Variants in RGS5 observed in about 807,000 individuals in gnomAD.
The protein encoded by RGS5 is regulator of G protein signaling 5.
Under a neutral mutation model 18.9 loss-of-function variants are expected in RGS5, and 20 were observed. The ratio of observed to expected loss-of-function variants is 1.06; its 90% CI spans 0.74 to 1.54. The LOEUF is 1.54. RGS5 is among the 40% of genes most tolerant of loss of function. The probability of loss-of-function intolerance (pLI) is 0.00; values close to 1 mark genes in which losing one functional copy is unlikely to be tolerated. For synonymous variants in RGS5, 57 were observed against 76.2 expected (o/e 0.75, Z 1.31); for missense variants, 201 against 211.8 (o/e 0.95, Z 0.32).
intron 2 of RGS5, among the ~76,000 whole-genome samples, chr1:163,298,770 A>T (rs1465794251): frequency 2.6e-5 from 4 of 152,110 alleles, no homozygotes; most frequent in African/African-American, 9.7e-5. Flanking sequence ...CAGCCACTTA[A>T]GGGAGTTCAG....
chr1:163,244,731 G>A (rs1027211255), intron 2 of RGS5: 1 of 152,140 alleles, frequency 6.6e-6, no homozygotes, highest in Admixed American at 6.5e-5. Flanking sequence ...CATGAAAGAA[G>A]GAAGACTTGT....
At chr1:163,268,340 C>T (rs1213986550) in intron 2 of RGS5, among the ~76,000 whole-genome samples, 1 of 152,036 alleles carries the variant, frequency 6.6e-6, no homozygotes, top group Admixed American at 6.6e-5. Flanking sequence ...TTAGAGGTGA[C>T]TTCATTCAAT....
rs1014133555 is a variant in RGS5 at position 163,146,555 on chromosome 1, A to G, written c.*787T>C. The G allele has an allele frequency of 3.3e-5, 5 of 152,200 alleles. No individual in the cohort carries two copies. The highest frequency in any genetic ancestry group is 1.2e-4 in the African/African-American group (5 of 41,462). 9.4% of individuals were successfully genotyped at this position (152,200 alleles called of 1,614,324 possible). The stretch of plus-strand genomic sequence containing the variant: ...AATTCTAAATAATTTGAAAATGGAA[A>G]CATTTGACCCACAGTCTAGCAGCAT... On this transcript the variant is annotated 3_prime_UTR_variant, in exon 5 of 5. Coordinates refer to ENST00000313961, the MANE Select transcript of RGS5 (RefSeq NM_003617.4).
At chr1:163,149,518 T>C (rs1657292035) in intron 4 of RGS5, among the ~76,000 whole-genome samples, 1 of 152,222 alleles carries the variant, frequency 6.6e-6, no homozygotes, top group Non-Finnish European at 1.5e-5. Flanking sequence ...TCTCTTGGTA[T>C]TTTTATGTGC....
intron 2 of RGS5, among the ~76,000 whole-genome samples, chr1:163,280,478 T>C (rs1648964584): frequency 6.6e-6 from 1 of 151,986 alleles, no homozygotes; most frequent in African/African-American, 2.4e-5. Context: ...TTAAAAACTC[T>C]CAAAAATTAG....
chr1:163,238,106 ATTATC>A (rs984169982), intron 2 of RGS5: 3 of 155,454 alleles, frequency 1.9e-5, no homozygotes, highest in Non-Finnish European at 4.3e-5. Flanking sequence ...ATAAAAGAGG[ATTATC>A]TTATAATTTT....
upstream of RGS5, among the ~76,000 whole-genome samples, chr1:163,207,391 C>G (rs1659977472): frequency 2.6e-5 from 4 of 152,206 alleles, no homozygotes; most frequent in South Asian, 8.3e-4. Flanking sequence ...TAAAGTGGGA[C>G]AGCTGAGAGG....
At chr1:163,173,845 G>A (rs932665716) in intron 1 of RGS5, among the ~76,000 whole-genome samples, 1 of 152,160 alleles carries the variant, frequency 6.6e-6, no homozygotes, top group African/African-American at 2.4e-5. Context: ...GGAGGCCGAG[G>A]TGGGTGGATC....
intron 2 of RGS5, among the ~76,000 whole-genome samples, chr1:163,285,215 G>C (rs1389212813): frequency 6.6e-6 from 1 of 152,110 alleles, no homozygotes; most frequent in Admixed American, 6.6e-5. Context: ...AAATTATTCT[G>C]TATTAACTTT....
chr1:163,163,046 G>A (rs968438686), intron 2 of RGS5, among the ~76,000 whole-genome samples: 1 of 151,020 alleles, frequency 6.6e-6, no homozygotes, highest in African/African-American at 2.4e-5. Flanking sequence ...TTTCGGGGGG[G>A]GGGGTGGTTA....
At chr1:163,311,800 T>C (rs1649871093) in intron 1 of RGS5, among the ~76,000 whole-genome samples, 1 of 152,176 alleles carries the variant, frequency 6.6e-6, no homozygotes, top group Admixed American at 6.5e-5. Flanking sequence ...TTTAAAATAT[T>C]GAGAGAATTA....
chr1:163,147,543 T>G (rs1450575661), intron 4 of RGS5, 40 bp from the exon 5 acceptor site: 2 of 1,474,262 alleles, frequency 1.4e-6, no homozygotes, highest in Non-Finnish European at 1.8e-6. Context: ...AAGCCTAAGT[T>G]ATAGAATTTG....
At chr1:163,241,160 A>G (rs771621556) in intron 2 of RGS5, among the ~76,000 whole-genome samples, 1 of 152,214 alleles carries the variant, frequency 6.6e-6, no homozygotes, top group Admixed American at 6.5e-5. Context: ...CTTTTCTTCT[A>G]TAATAACTGA....
intron 2 of RGS5, among the ~76,000 whole-genome samples, chr1:163,266,390 A>C (rs988998474): frequency 2.0e-5 from 3 of 151,952 alleles, no homozygotes; most frequent in African/African-American, 7.3e-5. Flanking sequence ...TGTCTGTATT[A>C]CTCTGGATTT....
Position 163,145,199 on chromosome 1 carries a change from A to T in RGS5, c.*2143T>A, listed in dbSNP as rs1010436934. On this transcript the variant is annotated 3_prime_UTR_variant, in exon 5 of 5. Transcript: ENST00000313961. ...AGTCCACTGGAGTCTTCATAACATC[A>T]ACCCTCTAGGTGAGATCTGTAATAG... The T allele has an allele frequency of 2.0e-5, 3 of 152,182 alleles. No homozygotes were observed. Among genetic ancestry groups the T allele is most frequent in the African/African-American group, 7.2e-5 (3 of 41,446 alleles). The allele number at this position is 152,182 out of a possible 1,614,324, so 9.4% of individuals were successfully genotyped here.
chr1:163,283,253 T>A (rs1187441701), intron 2 of RGS5, among the ~76,000 whole-genome samples: 1 of 152,124 alleles, frequency 6.6e-6, no homozygotes, highest in African/African-American at 2.4e-5. Context: ...TATACTTTAG[T>A]GTATGTGTTC....
chr1:163,205,082 T>A (rs1023933446), upstream of RGS5, among the ~76,000 whole-genome samples: 3 of 152,014 alleles, frequency 2.0e-5, no homozygotes, highest in Non-Finnish European at 4.4e-5. Context: ...TAAAACTTTG[T>A]AAGGATGGGA....
intron 2 of RGS5, among the ~76,000 whole-genome samples, chr1:163,253,467 C>A (rs1021401165): frequency 7.0e-6 from 1 of 143,256 alleles, no homozygotes; most frequent in Non-Finnish European, 1.6e-5. Flanking sequence ...CGCCACCATG[C>A]CCAACTTTTT....
intron 2 of RGS5, among the ~76,000 whole-genome samples, chr1:163,272,059 T>G (rs1191625160): frequency 6.6e-6 from 1 of 152,054 alleles, no homozygotes; most frequent in Non-Finnish European, 1.5e-5. Flanking sequence ...TTTTTCTTTT[T>G]TTCTTAGGTG....
Sources: allele counts gnomAD v4.1 joint callset (sites outside exome capture counted in the v4.1 genomes callset), GRCh38; gene constraint gnomAD v4.1.1; transcripts MANE v1.5; gene names NCBI Gene and HGNC (gene_info 2026-07-23, HGNC 2026-07-21).